Variants in SYNE1 observed in about 807,000 individuals in gnomAD.
SYNE1 encodes spectrin repeat containing nuclear envelope protein 1.
Under a neutral mutation model 1,111.0 loss-of-function variants are expected in SYNE1, and 616 were observed. That is an observed-to-expected ratio of 0.55 (90% confidence interval 0.52 to 0.59). SYNE1 has a LOEUF of 0.59. Among genes scored for constraint, SYNE1 ranks in the 20% least tolerant of loss-of-function variants. The probability of loss-of-function intolerance (pLI) is 0.00; values close to 1 mark genes in which losing one functional copy is unlikely to be tolerated. For synonymous variants in SYNE1, 3,855 were observed against 3,825.8 expected, an observed-to-expected ratio of 1.01 and a Z score of -0.28; for missense variants, 10,006 against 10,417.0, an observed-to-expected ratio of 0.96 and a Z score of 1.72.
intron 38 of SYNE1, 139 bp downstream of exon 38, chr6:152,427,554 T>A (rs1057128130): frequency 5.0e-5 from 52 of 1,030,124 alleles, no homozygotes; most frequent in Non-Finnish European, 7.3e-5. Context: ...TGGAACACCC[T>A]GATGTCAAAT....
intron 98 of SYNE1, among the ~76,000 whole-genome samples, chr6:152,270,491 G>A (rs1378066511): frequency 6.6e-6 from 1 of 152,194 alleles, no homozygotes; most frequent in Non-Finnish European, 1.5e-5. Flanking sequence ...TCAGCACCTA[G>A]GCAAGAGTTG....
chr6:152,362,751 T>C (rs1306934072), intron 63 of SYNE1, among the ~76,000 whole-genome samples: 1 of 152,136 alleles, frequency 6.6e-6, no homozygotes, highest in African/African-American at 2.4e-5. Context: ...AGTAACCACC[T>C]TACGTGAGAT....
At chr6:152,614,205 C>G (rs955222135) in intron 3 of SYNE1, among the ~76,000 whole-genome samples, 1 of 152,132 alleles carries the variant, frequency 6.6e-6, no homozygotes, top group Non-Finnish European at 1.5e-5. Context: ...AGGCAACCTA[C>G]AGAATGGGAG....
intron 2 of SYNE1, among the ~76,000 whole-genome samples, chr6:152,633,254 C>G (rs1254763217): frequency 2.6e-5 from 4 of 152,194 alleles, no homozygotes; most frequent in African/African-American, 9.7e-5. Context: ...TAAATAGTCC[C>G]TGCACCATCT....
intron 135 of SYNE1, among the ~76,000 whole-genome samples, 166 bp from the exon 136 acceptor site, chr6:152,149,834 CAT>C (rs746306527): frequency 2.6e-5 from 4 of 152,248 alleles, no homozygotes; most frequent in Non-Finnish European, 4.4e-5. Context: ...TAAAGTAAAA[CAT>C]ATGCATTTTC....
chr6:152,227,150 C>T (rs1462892974), intron 115 of SYNE1, among the ~76,000 whole-genome samples: 1 of 151,920 alleles, frequency 6.6e-6, no homozygotes, highest in Non-Finnish European at 1.5e-5. Context: ...ATAATTTTTG[C>T]CTCTTTTATT....
intron 13 of SYNE1, among the ~76,000 whole-genome samples, chr6:152,484,524 ACCAC>A (rs2098929340): frequency 6.6e-6 from 1 of 152,212 alleles, no homozygotes; most frequent in East Asian, 1.9e-4. Flanking sequence ...CCTCTTCTAA[ACCAC>A]CCAGAAGGAA....
Position 152,189,296 on chromosome 6 carries a change from G to A in SYNE1, c.23257C>T (p.Arg7753Cys), listed in dbSNP as rs138747167. Residue 7753 changes from arginine (R) to cysteine (C), a missense_variant, in exon 128 of 146, where the codon CGC (arginine) becomes TGC (cysteine). Transcript: ENST00000367255. Reference sequence around the variant, plus strand: ...CACTGCCTTTGCAGAAGCTCTACGCGTTCATTAAGAATGGAGATATCATCA... The same window carrying A: ...CACTGCCTTTGCAGAAGCTCTACGCATTCATTAAGAATGGAGATATCATCA... ...SADDISILNERVELLQRQWEE... is the reference protein window; with the variant it reads ...SADDISILNECVELLQRQWEE... The A allele has an allele frequency of 2.0e-5, 32 of 1,613,910 alleles. No individual in the cohort carries two copies. The highest frequency in any genetic ancestry group is 6.6e-5 in the South Asian group (6 of 91,070).
At chr6:152,516,106 T>C (rs13210676) in intron 6 of SYNE1, among the ~76,000 whole-genome samples, 39,885 of 152,082 alleles carry the variant, frequency 0.26, 6,309 homozygotes, top group East Asian at 0.46. Context: ...AATGCTAAGA[T>C]AATAAGTGGG....
intron 14 of SYNE1, among the ~76,000 whole-genome samples, chr6:152,473,080 A>T (rs982361604): frequency 6.6e-6 from 1 of 152,094 alleles, no homozygotes; most frequent in African/African-American, 2.4e-5. Context: ...ATCTTCTTTG[A>T]TTTGTTTGCT....
At chr6:152,605,168 T>C (rs1254425529) in intron 3 of SYNE1, among the ~76,000 whole-genome samples, 2 of 151,428 alleles carry the variant, frequency 1.3e-5, no homozygotes, top group African/African-American at 2.4e-5. Flanking sequence ...ATGCCATTAA[T>C]AGAATTCTAA....
In SYNE1 at chr6:152,463,015, T is replaced by G; in HGVS notation, c.2098-125A>C. ...GGTAAGAAAGACTCTAATCTTTGAT[T>G]CTCATTTTAGATAAATTTGAAGTAA... On this transcript the variant is annotated intron_variant, in intron 19 of 145. Coordinates refer to ENST00000367255, the MANE Select transcript of SYNE1 (RefSeq NM_182961.4). The G allele has an allele frequency of 1.1e-5, 13 of 1,190,286 alleles. No individual in the cohort carries two copies. The South Asian group carries it at 1.7e-4, about 16-fold the overall frequency. 73.7% of individuals were successfully genotyped at this position (1,190,286 alleles called of 1,614,324 possible).
At chr6:152,495,612 CTCCACCCTGACTCATTCTGATTACCTGT>C (rs2098995030) in intron 11 of SYNE1, among the ~76,000 whole-genome samples, 4 of 152,126 alleles carry the variant, frequency 2.6e-5, no homozygotes, top group Non-Finnish European at 5.9e-5. Context: ...CGATTACCTG[CTCCACCCTGACTCATTCTGATTACCTGT>C]TCCACCCTGA....
intron 40 of SYNE1, among the ~76,000 whole-genome samples, chr6:152,417,333 C>G (rs2098172809): frequency 2.0e-5 from 3 of 152,182 alleles, no homozygotes; most frequent in Admixed American, 1.3e-4. Context: ...CCCGTCTCTA[C>G]TAAGAGTACA....
intron 141 of SYNE1, among the ~76,000 whole-genome samples, chr6:152,135,895 C>T (rs1428132668): frequency 1.3e-5 from 2 of 152,140 alleles, no homozygotes; most frequent in Non-Finnish European, 2.9e-5. Context: ...TCTTTCTTCT[C>T]ACTCCCTGGC....
chr6:152,540,863 C>G, intron 3 of SYNE1, among the ~76,000 whole-genome samples: 1 of 152,164 alleles, frequency 6.6e-6, no homozygotes, highest in South Asian at 2.1e-4. Flanking sequence ...CAAACAGTCA[C>G]AAGGAATGAA....
chr6:152,308,460 C>T (rs1461145278), intron 91 of SYNE1, 29 bp downstream of exon 91: 3 of 1,613,772 alleles, frequency 1.9e-6, no homozygotes, highest in African/African-American at 2.7e-5. Flanking sequence ...AGTTTCCTGC[C>T]CTCGGTATTT....
chr6:152,621,488 C>T (rs1384209892), intron 3 of SYNE1, among the ~76,000 whole-genome samples: 1 of 151,998 alleles, frequency 6.6e-6, no homozygotes, highest in African/African-American at 2.4e-5. Flanking sequence ...ATTTACATTA[C>T]ATGCCATATA....
chr6:152,145,312 C>T, intron 137 of SYNE1: 1 of 682,252 alleles, frequency 1.5e-6, no homozygotes, highest in South Asian at 1.6e-5. Context: ...TTAGTGAAAT[C>T]TTATTCTTGG....
Sources: gnomAD v4.1 joint callset for allele counts (sites outside exome capture counted in the v4.1 genomes callset) on GRCh38, gnomAD v4.1.1 for gene constraint, MANE v1.5 for transcripts, NCBI Gene and HGNC (gene_info 2026-07-23, HGNC 2026-07-21) for gene names.